BHMT: variants seen among roughly 807,000 people sequenced by gnomAD.
BHMT encodes betaine--homocysteine S-methyltransferase, also known as betaine--homocysteine S-methyltransferase 1.
Under a neutral mutation model 49.5 loss-of-function variants are expected in BHMT, and 38 were observed. That is an observed-to-expected ratio of 0.77 (90% CI 0.59 to 1.01). BHMT has a LOEUF of 1.01. Among genes scored for constraint, BHMT ranks in the 50% least tolerant of loss-of-function variants. The pLI is 0.00. For missense variants in BHMT, 426 were observed against 495.7 expected (o/e 0.86, Z 1.34); for synonymous variants, 166 against 176.3 (o/e 0.94, Z 0.46).
intron 1 of BHMT, among the ~76,000 whole-genome samples, chr5:79,114,542 A>T (rs1406285610): frequency 6.6e-6 from 1 of 152,170 alleles, no homozygotes; most frequent in Non-Finnish European, 1.5e-5. Flanking sequence ...GAATCTTGTT[A>T]TTATGTCAGC....
At chr5:79,117,322 T>G (rs1283618686) in intron 2 of BHMT, among the ~76,000 whole-genome samples, 2 of 152,208 alleles carry the variant, frequency 1.3e-5, no homozygotes, top group Non-Finnish European at 2.9e-5. Flanking sequence ...TTATTCCTAG[T>G]GTCCAGAAAC....
intron 5 of BHMT, among the ~76,000 whole-genome samples, chr5:79,124,970 A>G (rs1005836498): frequency 6.6e-6 from 1 of 152,190 alleles, no homozygotes; most frequent in African/African-American, 2.4e-5. Context: ...CAAGAAGGCT[A>G]ATGAACTTAT....
chr5:79,127,623 T>C (rs1290932644), intron 6 of BHMT, 132 bp from the exon 7 acceptor site: 1 of 1,288,720 alleles, frequency 7.8e-7, no homozygotes, highest in African/African-American at 1.5e-5. Flanking sequence ...AGTAGCAAAG[T>C]TTTTTCTTAA....
intron 4 of BHMT, 56 bp downstream of exon 4, chr5:79,120,597 CT>C: frequency 6.7e-7 from 1 of 1,495,350 alleles, no homozygotes; most frequent in Non-Finnish European, 9.0e-7. Flanking sequence ...TTTTCTCTAC[CT>C]TTTGCTTTCA....
At chr5:79,114,209 A>G (rs1305946691) in intron 1 of BHMT, among the ~76,000 whole-genome samples, 3 of 151,918 alleles carry the variant, frequency 2.0e-5, no homozygotes, top group Non-Finnish European at 4.4e-5. Context: ...CATGACAAAT[A>G]TTTGGATTTC....
chr5:79,123,527 G>T (rs1401494479), intron 5 of BHMT, among the ~76,000 whole-genome samples: 3 of 76,492 alleles, frequency 3.9e-5, no homozygotes, highest in Non-Finnish European at 8.7e-5. Flanking sequence ...TTGGTTGGTT[G>T]GTTGGTTGGT....
chr5:79,120,554 G>C lies in BHMT; in HGVS notation c.477+13G>C, dbSNP rs778968700. The C allele has an allele frequency of 1.2e-6, 2 of 1,601,202 alleles. No homozygotes were observed. Among genetic ancestry groups the C allele is most frequent in the Non-Finnish European group, 1.7e-6 (2 of 1,175,116 alleles). ...CTTGATTGCAGAGGTAAAGAAAGAT[G>C]TGGTGAAAGATAAGACAAATACACC... On this transcript the variant is annotated intron_variant, in intron 4 of 7. Transcript: ENST00000274353.
At chr5:79,114,618 C>G (rs1384821754) in intron 1 of BHMT, among the ~76,000 whole-genome samples, 1 of 152,120 alleles carries the variant, frequency 6.6e-6, no homozygotes, top group African/African-American at 2.4e-5. Flanking sequence ...CCAAGTTATT[C>G]CTTTACACTA....
intron 1 of BHMT, among the ~76,000 whole-genome samples, chr5:79,113,573 T>C (rs542852): frequency 0.63 from 95,791 of 152,060 alleles, 30,300 homozygotes; most frequent in East Asian, 0.69. Flanking sequence ...TTATAAACAA[T>C]GAGGGAAAGC....
At chr5:79,127,400 C>T (rs1170878493) in intron 6 of BHMT, among the ~76,000 whole-genome samples, 1 of 152,088 alleles carries the variant, frequency 6.6e-6, no homozygotes, top group African/African-American at 2.4e-5. Flanking sequence ...GGTGAGTGCT[C>T]CAAGAAAGTG....
At chr5:79,123,741 G>A (rs548187963) in intron 5 of BHMT, among the ~76,000 whole-genome samples, 8 of 152,136 alleles carry the variant, frequency 5.3e-5, no homozygotes, top group African/African-American at 1.4e-4. Context: ...TAGTAGAGAC[G>A]GGGTTTCACC....
chr5:79,113,178 T>A (rs1179405190), intron 1 of BHMT, among the ~76,000 whole-genome samples: 2 of 152,076 alleles, frequency 1.3e-5, no homozygotes, highest in East Asian at 3.9e-4. Flanking sequence ...ATGGCATGAG[T>A]GGGTGTTGAG....
rs201868684 is a variant in BHMT, at chr5:79,111,838, C to T, written c.-48C>T. The stretch of plus-strand genomic sequence containing the variant: ...CGGGGCTGCGCAGCGGGAAGGCTCG[C>T]CTAGTCGGTCCGCATCCGTGTCGAC... On this transcript the variant is annotated 5_prime_UTR_variant, in exon 1 of 8. Transcript: ENST00000274353. 4 of 1,608,836 alleles carry T rather than the reference C, an allele frequency of 2.5e-6. No individual in the cohort carries two copies. The African/African-American group carries it at 4.0e-5, about 16-fold the overall frequency.
chr5:79,132,029 TATA>T lies in BHMT; in HGVS notation c.*918_*920del, dbSNP rs1336331619. On this transcript the variant is annotated 3_prime_UTR_variant, in exon 8 of 8. Coordinates refer to ENST00000274353, the MANE Select transcript of BHMT (RefSeq NM_001713.3). ...GTATTAGTTGGTAGCTTTTAAAAAATATAATAAGAAAAAAGTAGAGATTCTCCA... is the reference window on the plus strand; with the variant it reads ...GTATTAGTTGGTAGCTTTTAAAAAATATAAGAAAAAAGTAGAGATTCTCCA... 6 of 152,300 alleles carry T rather than the reference TATA, an allele frequency of 3.9e-5. No homozygotes were observed. The highest frequency in any genetic ancestry group is 1.2e-4 in the African/African-American group (5 of 41,568). The allele number at this position is 152,300 out of a possible 1,614,324, so 9.4% of individuals were successfully genotyped here. A position where few individuals can be genotyped will look rare whatever the true frequency, so the allele number is the denominator to read the frequency against.
At chr5:79,124,107 G>A (rs887586307) in intron 5 of BHMT, among the ~76,000 whole-genome samples, 12 of 152,220 alleles carry the variant, frequency 7.9e-5, no homozygotes, top group African/African-American at 2.9e-4. Context: ...GAGACAGAAA[G>A]TAGATTTGAG....
intron 6 of BHMT, among the ~76,000 whole-genome samples, chr5:79,126,702 G>C (rs1426485926): frequency 6.6e-6 from 1 of 152,134 alleles, no homozygotes; most frequent in Non-Finnish European, 1.5e-5. Context: ...AGCTACTCCA[G>C]AGTTTTGGGA....
intron 5 of BHMT, among the ~76,000 whole-genome samples, chr5:79,123,982 G>T (rs1238607045): frequency 6.6e-6 from 1 of 152,082 alleles, no homozygotes; most frequent in Non-Finnish European, 1.5e-5. Flanking sequence ...TCTCAAACAT[G>T]CCATAACAGG....
At chr5:79,118,937 C>G (rs912914406) in intron 2 of BHMT, among the ~76,000 whole-genome samples, 11 of 152,318 alleles carry the variant, frequency 7.2e-5, no homozygotes, top group African/African-American at 2.6e-4. Context: ...TGTCCAAAGA[C>G]AGAATAATGG....
intron 1 of BHMT, among the ~76,000 whole-genome samples, chr5:79,113,352 T>C (rs769711785): frequency 8.5e-5 from 13 of 152,218 alleles, no homozygotes; most frequent in Non-Finnish European, 1.8e-4. Flanking sequence ...GTCTAACTTA[T>C]TCCCCAAACT....
Sources: gnomAD v4.1 joint callset for allele counts (sites outside exome capture counted in the v4.1 genomes callset) on GRCh38, gnomAD v4.1.1 for gene constraint, MANE v1.5 for transcripts, NCBI Gene and HGNC (gene_info 2026-07-23, HGNC 2026-07-21) for gene names.